The following GNAI3 variants were observed in gnomAD, a reference collection of about 807,000 sequenced individuals.
The protein encoded by GNAI3 is guanine nucleotide-binding protein G(i) subunit alpha-3.
A neutral mutation model predicts 41.8 loss-of-function variants in GNAI3; 12 were observed. That is an observed-to-expected ratio of 0.29 (90% confidence interval 0.18 to 0.47). The LOEUF is 0.47. GNAI3 is among the 20% of genes least tolerant of loss of function. The pLI, the probability that GNAI3 is intolerant of heterozygous loss-of-function variation, is 1.00. For synonymous variants in GNAI3, 132 were observed against 146.5 expected (o/e 0.90, Z 0.71); for missense variants, 360 against 429.6 (o/e 0.84, Z 1.43).
At chr1:109,583,215 T>A (rs1483104847) in intron 5 of GNAI3, among the ~76,000 whole-genome samples, 2 of 152,156 alleles carry the variant, frequency 1.3e-5, no homozygotes, top group African/African-American at 4.8e-5. Context: ...GTTTTTAAAT[T>A]TTTATTTTTT....
chr1:109,571,327 A>G (rs1192468737), intron 1 of GNAI3, among the ~76,000 whole-genome samples: 2 of 152,216 alleles, frequency 1.3e-5, no homozygotes, highest in Non-Finnish European at 2.9e-5. Flanking sequence ...TTAGAAGCCA[A>G]GATTAGAGAT....
Position 109,592,380 on chromosome 1 carries a change from T to C in GNAI3, c.*58T>C. On this transcript the variant is annotated 3_prime_UTR_variant, in exon 9 of 9. Transcript: ENST00000369851. ...GTGGAGTGTTGAGACCAGACACCTT[T>C]TGCTGTCTCATGGGGCAGCTACAAG... The C allele has an allele frequency of 1.8e-6, 1 of 541,058 alleles. No homozygotes were observed. The allele number at this position is 541,058 out of a possible 1,614,324, so 33.5% of individuals were successfully genotyped here.
intron 1 of GNAI3, among the ~76,000 whole-genome samples, chr1:109,568,555 A>G (rs924966304): frequency 2.0e-5 from 3 of 152,116 alleles, no homozygotes; most frequent in Non-Finnish European, 2.9e-5. Flanking sequence ...CAAAACAAAA[A>G]ACAAACAAAC....
chr1:109,565,570 A>G (rs771782386), intron 1 of GNAI3, among the ~76,000 whole-genome samples: 1 of 152,204 alleles, frequency 6.6e-6, no homozygotes, highest in Non-Finnish European at 1.5e-5. Flanking sequence ...TGCATCTGGC[A>G]TTGTGATTAA....
chr1:109,589,777 C>T (rs1219015848), intron 7 of GNAI3, among the ~76,000 whole-genome samples: 4 of 151,886 alleles, frequency 2.6e-5, no homozygotes, highest in Non-Finnish European at 5.9e-5. Flanking sequence ...CAATTTCTGT[C>T]CATAGAGACA....
intron 1 of GNAI3, among the ~76,000 whole-genome samples, chr1:109,563,662 A>T (rs1254532633): frequency 6.6e-6 from 1 of 152,132 alleles, no homozygotes; most frequent in African/African-American, 2.4e-5. Flanking sequence ...AAATGATAGG[A>T]TTATTGTCCA....
intron 2 of GNAI3, 21 bp from the exon 3 acceptor site, chr1:109,573,875 G>T: frequency 6.2e-7 from 1 of 1,608,456 alleles, no homozygotes. Context: ...GTATTGACTT[G>T]TGGTTTTCTT....
chr1:109,582,084 A>G (rs1648903194), intron 4 of GNAI3, among the ~76,000 whole-genome samples: 2 of 152,054 alleles, frequency 1.3e-5, no homozygotes, highest in South Asian at 2.1e-4. Flanking sequence ...CTTGGGTTCA[A>G]GTGATCCTCC....
intron 1 of GNAI3, among the ~76,000 whole-genome samples, chr1:109,553,778 A>C (rs1315620732): frequency 6.6e-6 from 1 of 152,130 alleles, no homozygotes; most frequent in Non-Finnish European, 1.5e-5. Context: ...GTTTAGTGGC[A>C]ATTTCTGAGA....
chr1:109,562,721 A>G (rs1648345385), intron 1 of GNAI3, among the ~76,000 whole-genome samples: 1 of 152,148 alleles, frequency 6.6e-6, no homozygotes, highest in South Asian at 2.1e-4. Flanking sequence ...TTTACATTGG[A>G]TTAAATACAC....
rs1292636413 is a variant in GNAI3 at position 109,592,790 on chromosome 1, G to A, written c.*468G>A. Reference sequence around the variant, plus strand: ...CTTAACTATGCACATGATGTGACCAGATCATCTTGAAAATATTCCTCTTTA... The same window carrying A: ...CTTAACTATGCACATGATGTGACCAAATCATCTTGAAAATATTCCTCTTTA... On this transcript the variant is annotated 3_prime_UTR_variant, in exon 9 of 9. Transcript: ENST00000369851. The A allele has an allele frequency of 6.6e-6, 1 of 152,582 alleles. No homozygotes were observed. Among genetic ancestry groups the A allele is most frequent in the Non-Finnish European group, 1.5e-5 (1 of 68,068 alleles). The allele number at this position is 152,582 out of a possible 1,614,324, so 9.5% of individuals were successfully genotyped here. A position where few individuals can be genotyped will look rare whatever the true frequency, so the allele number is the denominator to read the frequency against.
intron 1 of GNAI3, among the ~76,000 whole-genome samples, chr1:109,549,694 C>G (rs905231827): frequency 6.6e-5 from 10 of 152,184 alleles, no homozygotes; most frequent in African/African-American, 2.4e-4. Flanking sequence ...GGATAAGTTA[C>G]AGAGTTGGAC....
chr1:109,576,786 T>C (rs982390948), intron 3 of GNAI3, among the ~76,000 whole-genome samples: 1 of 152,150 alleles, frequency 6.6e-6, no homozygotes, highest in Non-Finnish European at 1.5e-5. Context: ...CTGCCCAAAG[T>C]ATTGGGATTA....
chr1:109,559,800 A>T (rs1648260806), intron 1 of GNAI3, among the ~76,000 whole-genome samples: 1 of 152,172 alleles, frequency 6.6e-6, no homozygotes, highest in African/African-American at 2.4e-5. Context: ...TGTCCAGGTG[A>T]TCCTGTTACC....
chr1:109,592,250 T>G lies in GNAI3; in HGVS notation c.*17T>G. ...CTTTATTGAGAAGCATGGATGTTAG[T>G]GAAAGGTAAAGTTTCATACAAGGTA... On this transcript the variant is annotated 3_prime_UTR_variant, in exon 8 of 9. Coordinates refer to ENST00000369851, the MANE Select transcript of GNAI3 (RefSeq NM_006496.4). The G allele has an allele frequency of 6.4e-7, 1 of 1,556,732 alleles. No individual in the cohort carries two copies. Among genetic ancestry groups the G allele is most frequent in the Non-Finnish European group, 8.9e-7 (1 of 1,128,934 alleles).
chr1:109,570,416 A>AT (rs1557906484), intron 1 of GNAI3, among the ~76,000 whole-genome samples: 2 of 152,224 alleles, frequency 1.3e-5, no homozygotes, highest in Admixed American at 1.3e-4. Flanking sequence ...GGCCCTGGGA[A>AT]TGCAGGGATG....
At position 109,591,432 on chromosome 1, in the gene GNAI3, C is replaced by T. The variant is rs543691450; in HGVS notation, c.875-611C>T. 3.3e-5 allele frequency: 24 copies of T among 723,938 alleles called. No individual in the cohort carries two copies. The African/African-American group carries it at 3.9e-4, about 12-fold the overall frequency. 44.8% of individuals were successfully genotyped at this position (723,938 alleles called of 1,614,324 possible). The stretch of plus-strand genomic sequence containing the variant: ...AAGGACATCTAAAAGCAAACTGTAT[C>T]CTTCTCAACAATTTCTCACTTCATT... On this transcript the variant is annotated intron_variant, in intron 7 of 8. Transcript: ENST00000369851.
intron 5 of GNAI3, among the ~76,000 whole-genome samples, chr1:109,583,305 G>T (rs1007608099): frequency 2.6e-5 from 4 of 152,154 alleles, no homozygotes; most frequent in Non-Finnish European, 5.9e-5. Flanking sequence ...GACCTCCTGG[G>T]CTCAAGTGAT....
At chr1:109,552,440 T>G (rs1313019525) in intron 1 of GNAI3, among the ~76,000 whole-genome samples, 1 of 152,140 alleles carries the variant, frequency 6.6e-6, no homozygotes, top group Non-Finnish European at 1.5e-5. Flanking sequence ...TTTGGTTATT[T>G]ACTATTTAAA....
Sources: gnomAD v4.1 joint callset for allele counts (sites outside exome capture counted in the v4.1 genomes callset) on GRCh38, gnomAD v4.1.1 for gene constraint, MANE v1.5 for transcripts, NCBI Gene and HGNC (gene_info 2026-07-23, HGNC 2026-07-21) for gene names.